B4GALT1: variants seen among roughly 807,000 people sequenced by gnomAD.
B4GALT1 encodes the protein N-acetyllactosamine synthase.
B4GALT1 carries 16 observed loss-of-function variants against 34.9 expected under a neutral mutation model. That is an observed-to-expected ratio of 0.46 (90% CI 0.31 to 0.70). B4GALT1 has a LOEUF of 0.70. Ranked by LOEUF, B4GALT1 falls within the 30% of genes least tolerant of loss-of-function variation. The pLI is 0.05. For missense variants in B4GALT1, 445 were observed against 530.5 expected, an observed-to-expected ratio of 0.84 and a Z score of 1.58; for synonymous variants, 221 against 218.1, an observed-to-expected ratio of 1.01 and a Z score of -0.12.
intron 1 of B4GALT1, among the ~76,000 whole-genome samples, chr9:33,156,574 A>G (rs1840597204): frequency 6.6e-6 from 1 of 152,246 alleles, no homozygotes. Context: ...CAGAACTGGC[A>G]ATTCATATTT....
chr9:33,176,634 G>T, the B4GALT1 span, among the ~76,000 whole-genome samples: 1 of 152,124 alleles, frequency 6.6e-6, no homozygotes. Flanking sequence ...TGTTCTCACC[G>T]ATAAGTGGGA....
At position 33,167,179 on chromosome 9, in the gene B4GALT1, G is replaced by A. The variant is rs1840775571; in HGVS notation, c.-10C>T. On this transcript the variant is annotated 5_prime_UTR_variant, in exon 1 of 6. Coordinates refer to ENST00000379731, the MANE Select transcript of B4GALT1 (RefSeq NM_001497.4). ...GCTCCCGAAGCCTCATCTTCCCGCC[G>A]CCGCTTTAAGAAGGGTGTGGGCTAC... The A allele has an allele frequency of 1.3e-6, 2 of 1,592,934 alleles. No individual in the cohort carries two copies. Among genetic ancestry groups the A allele is most frequent in the African/African-American group, 1.3e-5 (1 of 74,192 alleles).
intron 1 of B4GALT1, among the ~76,000 whole-genome samples, chr9:33,165,932 CG>C (rs1289192468): frequency 6.6e-6 from 1 of 152,160 alleles, no homozygotes; most frequent in Admixed American, 6.5e-5. Context: ...AGGCTGCTAC[CG>C]GAAGTACCAG....
At chr9:33,116,521 C>CTTTTTTTTTT (rs577170197) in intron 3 of B4GALT1, among the ~76,000 whole-genome samples, 1 of 107,308 alleles carries the variant, frequency 9.3e-6, no homozygotes, top group Non-Finnish European at 1.7e-5. Context: ...CAAACCGGAT[C>CTTTTTTTTTT]TTTTTTTTTT....
the B4GALT1 span, among the ~76,000 whole-genome samples, chr9:33,184,655 C>G: frequency 6.6e-6 from 1 of 152,312 alleles, no homozygotes; most frequent in South Asian, 2.1e-4. Flanking sequence ...TTAGGAACTG[C>G]ATTCTGGAGT....
the B4GALT1 span, among the ~76,000 whole-genome samples, chr9:33,181,423 T>TACACACACAC: frequency 0.056 from 7,674 of 136,992 alleles, 323 homozygotes; most frequent in African/African-American, 0.11. Context: ...GACCCTGTCT[T>TACACACACAC]ACACACACAC....
At chr9:33,173,591 G>GTGT in the B4GALT1 span, among the ~76,000 whole-genome samples, 5 of 143,062 alleles carry the variant, frequency 3.5e-5, no homozygotes, top group Non-Finnish European at 7.6e-5. Flanking sequence ...AAATAAGAAT[G>GTGT]GTGTGTGTGT....
At chr9:33,164,048 C>T (rs1281315276) in intron 1 of B4GALT1, among the ~76,000 whole-genome samples, 1 of 152,166 alleles carries the variant, frequency 6.6e-6, no homozygotes, top group African/African-American at 2.4e-5. Context: ...ACAACTCCAA[C>T]AGCAACCCAT....
chr9:33,147,906 TACCTG>T (rs1564049778), intron 1 of B4GALT1, among the ~76,000 whole-genome samples: 1 of 151,962 alleles, frequency 6.6e-6, no homozygotes, highest in African/African-American at 2.4e-5. Context: ...TGGTGGTGCA[TACCTG>T]TAGTCCCAAC....
chr9:33,183,125 T>C, the B4GALT1 span, among the ~76,000 whole-genome samples: 27 of 152,340 alleles, frequency 1.8e-4, no homozygotes, highest in African/African-American at 6.5e-4. Flanking sequence ...AATTGCACAC[T>C]GCTCTGAGTA....
intron 1 of B4GALT1, among the ~76,000 whole-genome samples, chr9:33,140,575 T>C (rs1840334207): frequency 6.6e-6 from 1 of 152,224 alleles, no homozygotes; most frequent in Non-Finnish European, 1.5e-5. Context: ...GAAATCCAAG[T>C]ATTCAGGAAA....
intron 2 of B4GALT1, among the ~76,000 whole-genome samples, chr9:33,104,949 G>T (rs944168663): frequency 1.3e-5 from 2 of 149,920 alleles, no homozygotes; most frequent in Non-Finnish European, 1.5e-5. Context: ...CCTCCTGAGT[G>T]CCTGGGATTA....
At position 33,156,430 on chromosome 9, in the gene B4GALT1, G is replaced by A. The variant is rs574155869; in HGVS notation, c.412+10328C>T. Among the ~76,000 whole-genome samples the A allele has an allele frequency of 2.5e-4, 38 of 152,154 alleles. 1 individual carries two copies. The highest frequency in any genetic ancestry group is 1.2e-3 in the Admixed American group (19 of 15,278). On this transcript the variant is annotated intron_variant, in intron 1 of 5. Transcript: ENST00000379731. ...AATACGGGTGTGAGCCACTGTGCCC[G>A]GCCAGGATCTGTAAACTTTTAGTCA...
chr9:33,139,437 C>T (rs1296855930), intron 1 of B4GALT1, among the ~76,000 whole-genome samples: 1 of 152,226 alleles, frequency 6.6e-6, no homozygotes, highest in Admixed American at 6.5e-5. Context: ...ACCTTGACCC[C>T]CAATCCTGCC....
At position 33,135,444 on chromosome 9, in the gene B4GALT1, G is replaced by A. The variant is rs1372741727; in HGVS notation, c.413-20C>T. 14 of 1,610,502 alleles carry A rather than the reference G, an allele frequency of 8.7e-6. No homozygotes were observed. The highest frequency in any genetic ancestry group is 1.2e-5 in the Non-Finnish European group (14 of 1,177,650). ...GGCCCACTAGAGAGGTGGAGGGAGGGAGAAGTTAGCAGGCCACAGGACTCG... is the reference window on the plus strand; with the variant it reads ...GGCCCACTAGAGAGGTGGAGGGAGGAAGAAGTTAGCAGGCCACAGGACTCG... On this transcript the variant is annotated intron_variant, in intron 1 of 5. Transcript: ENST00000379731.
the B4GALT1 span, among the ~76,000 whole-genome samples, chr9:33,180,296 G>A: frequency 6.6e-6 from 1 of 152,146 alleles, no homozygotes. Context: ...GCATTTAGTA[G>A]GGTCCATAAC....
chr9:33,113,229 G>A lies in B4GALT1; in HGVS notation c.*225C>T, dbSNP rs1370561608. The A allele has an allele frequency of 9.8e-6, 6 of 613,354 alleles. No individual in the cohort carries two copies. The highest frequency in any genetic ancestry group is 5.9e-5 in the East Asian group (2 of 33,946). The allele number at this position is 613,354 out of a possible 1,614,324, so 38.0% of individuals were successfully genotyped here. A position where few individuals can be genotyped will look rare whatever the true frequency, so the allele number is the denominator to read the frequency against. ...ACACTGCGAACACATCAAGAAACCC[G>A]CAAAGGCATAAACACCTTGCAGAGC... is the stretch of plus-strand genomic sequence containing the variant. On this transcript the variant is annotated 3_prime_UTR_variant, in exon 6 of 6. Transcript: ENST00000379731.
intron 1 of B4GALT1, among the ~76,000 whole-genome samples, chr9:33,141,763 C>T (rs895785279): frequency 1.3e-5 from 2 of 152,086 alleles, no homozygotes; most frequent in African/African-American, 2.4e-5. Context: ...CGTGGGAGTA[C>T]GCCAATAAAT....
At chr9:33,118,193 G>A (rs1396541903) in intron 3 of B4GALT1, among the ~76,000 whole-genome samples, 3 of 152,208 alleles carry the variant, frequency 2.0e-5, no homozygotes, top group African/African-American at 7.2e-5. Flanking sequence ...AAGGATTTCT[G>A]AAGAGTCTAA....
Sources: allele counts gnomAD v4.1 joint callset (sites outside exome capture counted in the v4.1 genomes callset), GRCh38; gene constraint gnomAD v4.1.1; transcripts MANE v1.5; gene names NCBI Gene and HGNC (gene_info 2026-07-23, HGNC 2026-07-21).